The following DCC variants were observed in gnomAD, a reference collection of about 807,000 sequenced individuals.
DCC encodes netrin receptor DCC.
In DCC, 58 loss-of-function variants were observed where a neutral mutation model predicts 172.5. The observed-to-expected ratio is 0.34, with a 90% CI of 0.27 to 0.42. The LOEUF (loss-of-function observed/expected upper bound fraction) is 0.42, where lower values mean the gene tolerates loss of function less well. Ranked by LOEUF, DCC falls within the 10% of genes least tolerant of loss-of-function variation. DCC has a pLI of 1.00. For missense variants in DCC, 1,740 were observed against 1,791.0 expected (o/e 0.97, Z 0.51); for synonymous variants, 709 against 644.5 (o/e 1.10, Z -1.52).
intron 25 of DCC, among the ~76,000 whole-genome samples, chr18:53,469,816 T>A (rs2045673532): frequency 6.6e-6 from 1 of 152,220 alleles, no homozygotes; most frequent in Non-Finnish European, 1.5e-5. Context: ...TATCTAAGCT[T>A]TCTTATTAGT....
At chr18:52,460,001 A>C (rs554159645) in intron 1 of DCC, among the ~76,000 whole-genome samples, 3 of 152,012 alleles carry the variant, frequency 2.0e-5, no homozygotes, top group African/African-American at 7.2e-5. Context: ...TACTATTGTG[A>C]ATAGTGCTAC....
intron 12 of DCC, among the ~76,000 whole-genome samples, chr18:53,280,057 C>T (rs1357465691): frequency 6.6e-6 from 1 of 152,022 alleles, no homozygotes. Context: ...ACCTATATAA[C>T]AAAACTGCAA....
intron 7 of DCC, among the ~76,000 whole-genome samples, chr18:53,136,864 A>C (rs1383711800): frequency 1.3e-5 from 2 of 152,220 alleles, no homozygotes; most frequent in Non-Finnish European, 2.9e-5. Context: ...TTCTAATAAT[A>C]TTAAATCATT....
intron 17 of DCC, among the ~76,000 whole-genome samples, chr18:53,392,731 G>A (rs542746195): frequency 7.2e-5 from 11 of 152,282 alleles, no homozygotes; most frequent in Admixed American, 2.0e-4. Context: ...CTACACCATA[G>A]AGATGGTTTA....
At chr18:53,345,268 C>A (rs903992902) in intron 15 of DCC, among the ~76,000 whole-genome samples, 3 of 151,928 alleles carry the variant, frequency 2.0e-5, no homozygotes, top group Non-Finnish European at 2.9e-5. Flanking sequence ...TTTACTGATT[C>A]CTGCTCTTAG....
chr18:53,259,610 G>C (rs1389693812), intron 12 of DCC, among the ~76,000 whole-genome samples: 2 of 152,268 alleles, frequency 1.3e-5, no homozygotes, highest in African/African-American at 2.4e-5. Context: ...CCCTTTGTGG[G>C]TAACCTGACC....
intron 24 of DCC, among the ~76,000 whole-genome samples, chr18:53,465,535 T>G (rs2045610343): frequency 6.6e-6 from 1 of 152,178 alleles, no homozygotes; most frequent in Admixed American, 6.5e-5. Flanking sequence ...TTTAAGAAGC[T>G]GAACTGTGAT....
intron 1 of DCC, among the ~76,000 whole-genome samples, chr18:52,659,779 T>C (rs1196096097): frequency 6.6e-6 from 1 of 152,088 alleles, no homozygotes; most frequent in Non-Finnish European, 1.5e-5. Flanking sequence ...AAAATTAAAG[T>C]GGGATGGGAG....
At position 52,346,503 on chromosome 18, in the gene DCC, G is replaced by T. The variant is rs543929775; in HGVS notation, c.91+5625G>T. Among the ~76,000 whole-genome samples the T allele has an allele frequency of 2.0e-5, 3 of 152,318 alleles. No individual in the cohort carries two copies. The East Asian group carries it at 5.8e-4, about 29-fold the overall frequency. ...TAAATCCCTTTAATTCAACTATTAA[G>T]TGAAAGTGTTTTCTTTGGTAGTTTA... On this transcript the variant is annotated intron_variant, in intron 1 of 28. Transcript: ENST00000442544.
intron 7 of DCC, among the ~76,000 whole-genome samples, chr18:53,132,225 A>G (rs537445823): frequency 1.6e-4 from 25 of 152,160 alleles, no homozygotes; most frequent in African/African-American, 6.0e-4. Context: ...TGATGTGCTG[A>G]TAAGAAAAAC....
chr18:52,660,429 A>C (rs1371278013), intron 1 of DCC, among the ~76,000 whole-genome samples: 1 of 152,054 alleles, frequency 6.6e-6, no homozygotes, highest in Non-Finnish European at 1.5e-5. Context: ...AACACCTTTT[A>C]ATTGCCTGGA....
chr18:53,299,833 T>C (rs962366559), intron 12 of DCC, among the ~76,000 whole-genome samples: 1 of 152,194 alleles, frequency 6.6e-6, no homozygotes, highest in Admixed American at 6.5e-5. Flanking sequence ...GTTGGATACA[T>C]GTCTATTTTA....
intron 20 of DCC, among the ~76,000 whole-genome samples, chr18:53,415,856 A>T (rs2145066323): frequency 6.6e-6 from 1 of 152,110 alleles, no homozygotes; most frequent in South Asian, 2.1e-4. Flanking sequence ...AATTTATATA[A>T]TTGTTCTCAG....
chr18:52,565,670 C>T (rs1178056196), intron 1 of DCC, among the ~76,000 whole-genome samples: 1 of 152,086 alleles, frequency 6.6e-6, no homozygotes, highest in Non-Finnish European at 1.5e-5. Flanking sequence ...TATCCTTTGA[C>T]CACTTTTTGA....
rs148543976 is a variant in DCC, at chr18:53,535,067, A to T, written c.*4414A>T. 1 of 144,134 alleles carries T rather than the reference A, an allele frequency of 6.9e-6. No individual in the cohort carries two copies. The allele number at this position is 144,134 out of a possible 1,614,324, so 8.9% of individuals were successfully genotyped here. On this transcript the variant is annotated 3_prime_UTR_variant, in exon 29 of 29. Transcript: ENST00000442544. Reference sequence around the variant, plus strand: ...TATTTTCAGATGCAAGAAAGGAATGATGGAGAGGAGGAGAAATGCTGTTTT... The same window carrying T: ...TATTTTCAGATGCAAGAAAGGAATGTTGGAGAGGAGGAGAAATGCTGTTTT...
At chr18:52,887,224 C>G (rs1431740) in intron 2 of DCC, among the ~76,000 whole-genome samples, 80,228 of 152,028 alleles carry the variant, frequency 0.53, 21,751 homozygotes, top group Middle Eastern at 0.61. Context: ...CCTGTTATCA[C>G]TCTGCAACTT....
At chr18:53,191,417 A>G (rs2055364948) in intron 9 of DCC, among the ~76,000 whole-genome samples, 1 of 151,742 alleles carries the variant, frequency 6.6e-6, no homozygotes, top group African/African-American at 2.4e-5. Context: ...TATTTTCTTT[A>G]TAACCTCATA....
intron 1 of DCC, among the ~76,000 whole-genome samples, chr18:52,649,322 G>A (rs2035080082): frequency 1.7e-5 from 2 of 115,690 alleles, no homozygotes; most frequent in Admixed American, 1.6e-4. Flanking sequence ...GCAGTGAGCC[G>A]AGATTGTGCC....
chr18:52,629,999 A>T (rs1339489928), intron 1 of DCC, among the ~76,000 whole-genome samples: 1 of 148,100 alleles, frequency 6.8e-6, no homozygotes, highest in African/African-American at 2.5e-5. Context: ...GGTGGCAGGC[A>T]CCTATAATCC....
Sources: gnomAD v4.1 joint callset for allele counts (sites outside exome capture counted in the v4.1 genomes callset) on GRCh38, gnomAD v4.1.1 for gene constraint, MANE v1.5 for transcripts, NCBI Gene and HGNC (gene_info 2026-07-23, HGNC 2026-07-21) for gene names.